Variants in MYO16 observed in about 807,000 individuals in gnomAD.
MYO16 encodes unconventional myosin-XVI.
MYO16 carries 94 observed loss-of-function variants against 205.3 expected under a neutral mutation model. That is an observed-to-expected ratio of 0.46 (90% CI 0.39 to 0.54). The LOEUF is 0.54. Ranked by LOEUF, MYO16 falls within the 20% of genes least tolerant of loss-of-function variation. The pLI, the probability that MYO16 is intolerant of heterozygous loss-of-function variation, is 0.00. For synonymous variants in MYO16, 988 were observed against 954.0 expected (o/e 1.04, Z -0.66); for missense variants, 2,315 against 2,387.5 (o/e 0.97, Z 0.63).
intron 4 of MYO16, among the ~76,000 whole-genome samples, chr13:108,772,777 G>A (rs756108552): frequency 1.3e-5 from 2 of 152,174 alleles, no homozygotes; most frequent in Non-Finnish European, 2.9e-5. Flanking sequence ...CATGATGCCT[G>A]TAACCCGCTT....
intron 34 of MYO16, among the ~76,000 whole-genome samples, chr13:109,204,193 C>A (rs1226225447): frequency 6.6e-6 from 1 of 152,152 alleles, no homozygotes; most frequent in African/African-American, 2.4e-5. Context: ...CAGAAGTGAA[C>A]GTTCCTCAGT....
intron 9 of MYO16, among the ~76,000 whole-genome samples, chr13:108,833,099 C>A (rs949863030): frequency 6.6e-6 from 1 of 152,018 alleles, no homozygotes; most frequent in Non-Finnish European, 1.5e-5. Flanking sequence ...TTCCCTTAAA[C>A]AAGCTATTAA....
At chr13:108,888,177 A>G (rs1879991833) in intron 13 of MYO16, among the ~76,000 whole-genome samples, 195 bp from the exon 14 acceptor site, 1 of 152,228 alleles carries the variant, frequency 6.6e-6, no homozygotes, top group African/African-American at 2.4e-5. Context: ...AGACAAATGA[A>G]TCAAATTGAA....
chr13:108,529,657 A>G, the MYO16 span, among the ~76,000 whole-genome samples: 24,609 of 152,178 alleles, frequency 0.16, 3,033 homozygotes, highest in African/African-American at 0.34. Flanking sequence ...TGTGAAGTGC[A>G]TAACTGGATG....
chr13:108,806,316 G>C (rs974262489), intron 6 of MYO16, among the ~76,000 whole-genome samples: 1 of 152,046 alleles, frequency 6.6e-6, no homozygotes. Context: ...CTGGAATATA[G>C]AGCTAATCAG....
intron 33 of MYO16, among the ~76,000 whole-genome samples, chr13:109,169,482 T>A (rs1395705099): frequency 6.6e-6 from 1 of 152,002 alleles, no homozygotes; most frequent in African/African-American, 2.4e-5. Flanking sequence ...GATAGAGAAA[T>A]AGAGAAAATT....
At chr13:108,987,349 C>T in intron 20 of MYO16, among the ~76,000 whole-genome samples, 1 of 152,056 alleles carries the variant, frequency 6.6e-6, no homozygotes, top group Admixed American at 6.5e-5. Context: ...GAGAGGAACC[C>T]CCAAAAGTAT....
intron 16 of MYO16, among the ~76,000 whole-genome samples, chr13:108,956,699 C>T (rs571646177): frequency 6.6e-6 from 1 of 152,122 alleles, no homozygotes; most frequent in African/African-American, 2.4e-5. Context: ...ACCTGAAAGC[C>T]TGGGAGTTGC....
At chr13:109,112,805 A>C (rs1215109007) in intron 28 of MYO16, among the ~76,000 whole-genome samples, 4 of 152,256 alleles carry the variant, frequency 2.6e-5, no homozygotes, top group African/African-American at 9.6e-5. Context: ...ATGTTATAGC[A>C]AGTGCTTATT....
At chr13:108,750,461 G>A (rs377140003) in intron 4 of MYO16, among the ~76,000 whole-genome samples, 1 of 152,102 alleles carries the variant, frequency 6.6e-6, no homozygotes, top group East Asian at 1.9e-4. Context: ...AGTTACTTCT[G>A]GTGGAGGTAT....
rs1317560816 is a variant in MYO16, at chr13:108,636,401, G to GTT, written c.28+6530_28+6531insTT. 3.7e-5 allele frequency among the ~76,000 whole-genome samples: 5 copies of GTT among 135,746 alleles called. No individual in the cohort carries two copies. In the South Asian group the frequency reaches 9.3e-4, roughly 25 times the overall value. 89.1% of individuals were successfully genotyped at this position (135,746 alleles called of 152,430 possible). A position where few individuals can be genotyped will look rare whatever the true frequency, so the allele number is the denominator to read the frequency against. ...TGTGTGTGTGTGTGTGTGTGTGTGT[G>GTT]TGTGTGTCTTGCTCTGTCGCCAGGC... On this transcript the variant is annotated intron_variant, in intron 1 of 34. Coordinates refer to ENST00000457511, the MANE Select transcript of MYO16 (RefSeq NM_001198950.3).
At chr13:108,640,647 G>C (rs16972855) in intron 1 of MYO16, among the ~76,000 whole-genome samples, 4 of 151,928 alleles carry the variant, frequency 2.6e-5, no homozygotes, top group Non-Finnish European at 5.9e-5. Flanking sequence ...ACCCTCTGCC[G>C]GTGGTCCAAA....
chr13:108,823,159 G>T lies in MYO16; in HGVS notation c.978G>T (p.Leu326=). ...IAASEFIEEM[L]LKAEIAWEEK... The stretch of plus-strand genomic sequence containing the variant: ...CCTCTGAGTTTATTGAGGAAATGCT[G>T]CTGAAAGCCGAAATTGCCTGGGAAG... The change falls in exon 9 of 35, where the codon CTG becomes CTT. Residue 326 remains leucine, a synonymous_variant. Transcript: ENST00000457511. The T allele has an allele frequency of 6.2e-7, 1 of 1,611,980 alleles. No individual in the cohort carries two copies. Among genetic ancestry groups the T allele is most frequent in the Non-Finnish European group, 8.5e-7 (1 of 1,179,410 alleles).
At chr13:109,126,599 A>G (rs990501968) in intron 30 of MYO16, among the ~76,000 whole-genome samples, 5 of 152,194 alleles carry the variant, frequency 3.3e-5, no homozygotes, top group Admixed American at 1.3e-4. Context: ...TTGATTATGT[A>G]TGTATTTTCC....
intron 1 of MYO16, among the ~76,000 whole-genome samples, chr13:108,597,974 G>T (rs556684977): frequency 6.6e-6 from 1 of 152,288 alleles, no homozygotes; most frequent in Non-Finnish European, 1.5e-5. Context: ...GTGAGAAGTT[G>T]CCTTAGAATA....
At chr13:109,138,432 TATA>T (rs922604824) in intron 31 of MYO16, among the ~76,000 whole-genome samples, 15 of 152,204 alleles carry the variant, frequency 9.9e-5, no homozygotes, top group Non-Finnish European at 2.1e-4. Context: ...AAAACATTAT[TATA>T]ATTTACAGTA....
chr13:109,068,027 A>G (rs1887807985), intron 27 of MYO16, among the ~76,000 whole-genome samples: 1 of 152,208 alleles, frequency 6.6e-6, no homozygotes, highest in South Asian at 2.1e-4. Flanking sequence ...CACTGAGCCA[A>G]CATTCAATAC....
chr13:108,693,652 C>T (rs1882983520), intron 2 of MYO16, among the ~76,000 whole-genome samples: 1 of 152,100 alleles, frequency 6.6e-6, no homozygotes, highest in Non-Finnish European at 1.5e-5. Flanking sequence ...TGGTTTGTTT[C>T]CACTTTGGGC....
intron 21 of MYO16, among the ~76,000 whole-genome samples, chr13:108,995,588 C>A (rs910886822): frequency 1.3e-5 from 2 of 152,040 alleles, no homozygotes; most frequent in Non-Finnish European, 2.9e-5. Flanking sequence ...ATCCCTCCCC[C>A]CTCTCCCCAC....
Sources: gnomAD v4.1 joint callset for allele counts (sites outside exome capture counted in the v4.1 genomes callset) on GRCh38, gnomAD v4.1.1 for gene constraint, MANE v1.5 for transcripts, NCBI Gene and HGNC (gene_info 2026-07-23, HGNC 2026-07-21) for gene names.